LRRC4C: variants seen among roughly 807,000 people sequenced by gnomAD.
LRRC4C encodes leucine rich repeat containing 4C.
LRRC4C carries 5 observed loss-of-function variants against 33.6 expected under a neutral mutation model. The ratio of observed to expected loss-of-function variants is 0.15; its 90% CI spans 0.08 to 0.31. The LOEUF (loss-of-function observed/expected upper bound fraction) is 0.31. Among genes scored for constraint, LRRC4C ranks in the 10% least tolerant of loss-of-function variants. LRRC4C has a pLI of 1.00. For synonymous variants in LRRC4C, 329 were observed against 302.0 expected (o/e 1.09, Z -0.93); for missense variants, 560 against 796.7 (o/e 0.70, Z 3.58).
At chr11:40,748,513 T>G (rs1158167482) in intron 2 of LRRC4C, among the ~76,000 whole-genome samples, 1 of 151,906 alleles carries the variant, frequency 6.6e-6, no homozygotes, top group Non-Finnish European at 1.5e-5. Flanking sequence ...GAGAAAGGAC[T>G]CAAATGGTAC....
At chr11:40,400,182 A>G (rs1432314883) in intron 3 of LRRC4C, among the ~76,000 whole-genome samples, 2 of 152,036 alleles carry the variant, frequency 1.3e-5, no homozygotes, top group Non-Finnish European at 2.9e-5. Flanking sequence ...CCTTTCACCC[A>G]TACTCACTAT....
At chr11:40,494,310 A>G (rs536850334) in intron 3 of LRRC4C, among the ~76,000 whole-genome samples, 1 of 152,290 alleles carries the variant, frequency 6.6e-6, no homozygotes, top group Admixed American at 6.5e-5. Flanking sequence ...ATATCCTGTA[A>G]TTTCTAAATA....
At chr11:41,450,456 G>A (rs1248613603) in intron 1 of LRRC4C, among the ~76,000 whole-genome samples, 1 of 152,186 alleles carries the variant, frequency 6.6e-6, no homozygotes, top group Non-Finnish European at 1.5e-5. Context: ...GGCTTTAAGT[G>A]TTAGGCAAGC....
chr11:41,297,040 T>C (rs893512025), intron 1 of LRRC4C, among the ~76,000 whole-genome samples: 5 of 152,226 alleles, frequency 3.3e-5, no homozygotes, highest in Admixed American at 3.3e-4. Flanking sequence ...CCCTTTATTA[T>C]GTTGAGAAAC....
At chr11:40,801,283 T>C (rs1447598380) in intron 2 of LRRC4C, among the ~76,000 whole-genome samples, 1 of 152,164 alleles carries the variant, frequency 6.6e-6, no homozygotes, top group African/African-American at 2.4e-5. Context: ...CTGGGTATAT[T>C]TGCCATTCCC....
intron 1 of LRRC4C, among the ~76,000 whole-genome samples, chr11:41,305,443 C>T (rs1950469584): frequency 2.0e-5 from 1 of 49,338 alleles, no homozygotes; most frequent in Admixed American, 3.0e-4. Flanking sequence ...ATGACAATGG[C>T]GGCTTTGTGG....
At chr11:41,129,507 G>C (rs1942912670) in intron 1 of LRRC4C, among the ~76,000 whole-genome samples, 1 of 151,664 alleles carries the variant, frequency 6.6e-6, no homozygotes. Context: ...TAATGTTATA[G>C]TGCCTATTTT....
At chr11:40,612,759 T>C (rs1317203446) in intron 3 of LRRC4C, among the ~76,000 whole-genome samples, 1 of 151,850 alleles carries the variant, frequency 6.6e-6, no homozygotes, top group African/African-American at 2.4e-5. Flanking sequence ...CAATCTGTCT[T>C]CTTAAAATAT....
intron 2 of LRRC4C, among the ~76,000 whole-genome samples, chr11:40,918,027 G>T (rs140435341): frequency 1.8e-4 from 27 of 152,170 alleles, no homozygotes; most frequent in African/African-American, 6.5e-4. Flanking sequence ...ACAATGCCAT[G>T]ATCACAGAAG....
At chr11:40,294,172 C>A (rs548080710) in intron 4 of LRRC4C, 1 of 152,100 alleles carries the variant, frequency 6.6e-6, no homozygotes, top group Non-Finnish European at 1.5e-5. Flanking sequence ...TACCCAATTA[C>A]CTCCCATCAT....
At chr11:40,174,739 T>G (rs1045084334) in intron 5 of LRRC4C, among the ~76,000 whole-genome samples, 1 of 152,208 alleles carries the variant, frequency 6.6e-6, no homozygotes, top group East Asian at 1.9e-4. Flanking sequence ...AAAAGTGCAA[T>G]AGTAGTAACA....
intron 2 of LRRC4C, among the ~76,000 whole-genome samples, chr11:40,696,873 C>T (rs1475828049): frequency 2.0e-5 from 3 of 149,454 alleles, no homozygotes. Flanking sequence ...GCTACAGGCA[C>T]ATGGAGTATT....
At chr11:41,136,622 G>A (rs1943272963) in intron 1 of LRRC4C, among the ~76,000 whole-genome samples, 1 of 152,146 alleles carries the variant, frequency 6.6e-6, no homozygotes, top group Admixed American at 6.5e-5. Context: ...ACTAATTTGA[G>A]GATCTTGGCC....
intron 3 of LRRC4C, among the ~76,000 whole-genome samples, chr11:40,496,202 T>G (rs2138571400): frequency 6.6e-6 from 1 of 152,274 alleles, no homozygotes; most frequent in Non-Finnish European, 1.5e-5. Flanking sequence ...CATTTTTACC[T>G]CCCTGATCTA....
At chr11:41,201,539 T>C (rs1946398506) in intron 1 of LRRC4C, among the ~76,000 whole-genome samples, 1 of 152,104 alleles carries the variant, frequency 6.6e-6, no homozygotes, top group African/African-American at 2.4e-5. Context: ...TAAACCATAG[T>C]TTTGAAGATG....
intron 1 of LRRC4C, among the ~76,000 whole-genome samples, chr11:40,960,576 A>G (rs770402772): frequency 1.1e-4 from 16 of 151,712 alleles, no homozygotes; most frequent in Non-Finnish European, 1.8e-4. Context: ...CTCAGTTCTT[A>G]CTGGAAATTA....
intron 3 of LRRC4C, among the ~76,000 whole-genome samples, chr11:40,499,148 G>A (rs1954617904): frequency 6.6e-6 from 1 of 152,134 alleles, no homozygotes; most frequent in African/African-American, 2.4e-5. Flanking sequence ...GAGAGAGGAT[G>A]GGAAAATGAG....
chr11:40,256,006 A>C (rs1416497248), intron 4 of LRRC4C, among the ~76,000 whole-genome samples: 1 of 152,206 alleles, frequency 6.6e-6, no homozygotes, highest in Non-Finnish European at 1.5e-5. Context: ...CCATTCTACT[A>C]TTCTTAAATA....
intron 1 of LRRC4C, among the ~76,000 whole-genome samples, chr11:40,996,978 A>G (rs1258730730): frequency 6.6e-6 from 1 of 152,146 alleles, no homozygotes; most frequent in East Asian, 1.9e-4. Flanking sequence ...ATGAATATCC[A>G]AACTATATCA....
Sources: gnomAD v4.1 joint callset for allele counts (sites outside exome capture counted in the v4.1 genomes callset) on GRCh38, gnomAD v4.1.1 for gene constraint, MANE v1.5 for transcripts, NCBI Gene and HGNC (gene_info 2026-07-23, HGNC 2026-07-21) for gene names.